The following BAZ2B variants were observed in gnomAD, a reference collection of about 807,000 sequenced individuals.
BAZ2B encodes the protein bromodomain adjacent to zinc finger domain protein 2B.
A neutral mutation model predicts 246.0 loss-of-function variants in BAZ2B; 91 were observed. That is an observed-to-expected ratio of 0.37 (90% CI 0.31 to 0.44). The LOEUF is 0.44. Among genes scored for constraint, BAZ2B ranks in the 20% least tolerant of loss-of-function variants. BAZ2B has a pLI of 1.00. For missense variants in BAZ2B, 2,332 were observed against 2,533.7 expected, an observed-to-expected ratio of 0.92 and a Z score of 1.71; for synonymous variants, 855 against 860.0, an observed-to-expected ratio of 0.99 and a Z score of 0.10.
chr2:159,385,744 T>A (rs1463784469), intron 22 of BAZ2B, among the ~76,000 whole-genome samples: 1 of 152,108 alleles, frequency 6.6e-6, no homozygotes, highest in Admixed American at 6.6e-5. Context: ...AAAAACAGTA[T>A]TGTTTTCTAC....
rs556237766 is a variant in BAZ2B, at chr2:159,588,214, CA to C, written c.-46+28027del. Among the ~76,000 whole-genome samples, 737 of 109,168 alleles carry C rather than the reference CA, an allele frequency of 6.8e-3. 3 individuals carry two copies. The highest frequency in any genetic ancestry group is 8.7e-3 in the Non-Finnish European group (461 of 53,044). The allele number at this position is 109,168 out of a possible 152,430, so 71.6% of individuals were successfully genotyped here. On this transcript the variant is annotated intron_variant, in intron 1 of 36. Coordinates refer to ENST00000392783, the MANE Select transcript of BAZ2B (RefSeq NM_013450.4). ...TGGGTGACAGACCAAGACCCTGCAT[CA>C]AAAAAAAAAAAAAAAAACCCCTGCT...
chr2:159,599,525 G>A (rs1691568339), intron 1 of BAZ2B, among the ~76,000 whole-genome samples: 1 of 152,138 alleles, frequency 6.6e-6, no homozygotes. Flanking sequence ...GGCTGAGACA[G>A]GAGAATCGCT....
At chr2:159,472,283 G>C (rs183225573) in intron 3 of BAZ2B, among the ~76,000 whole-genome samples, 43 of 152,320 alleles carry the variant, frequency 2.8e-4, no homozygotes, top group African/African-American at 9.9e-4. Context: ...AAAAATGCTT[G>C]TGATTTTTGC....
the BAZ2B span, among the ~76,000 whole-genome samples, chr2:159,637,752 G>C: frequency 6.6e-6 from 1 of 152,050 alleles, no homozygotes; most frequent in Non-Finnish European, 1.5e-5. Flanking sequence ...TGTAGAGACA[G>C]GGTTTCACCA....
chr2:159,463,078 T>G, intron 3 of BAZ2B: 1 of 714,510 alleles, frequency 1.4e-6, no homozygotes, highest in Non-Finnish European at 2.6e-6. Flanking sequence ...TGTGAACTGA[T>G]CCATGTTATA....
chr2:159,349,545 A>T (rs528724318), intron 28 of BAZ2B, among the ~76,000 whole-genome samples, 163 bp downstream of exon 28: 2 of 152,372 alleles, frequency 1.3e-5, no homozygotes, highest in East Asian at 3.9e-4. Flanking sequence ...AGAAATCAGT[A>T]GTTCTAATGA....
downstream of BAZ2B, among the ~76,000 whole-genome samples, chr2:159,316,598 G>A (rs893712637): frequency 7.2e-6 from 1 of 138,782 alleles, no homozygotes; most frequent in Non-Finnish European, 1.5e-5. Flanking sequence ...GCTGAGGCAG[G>A]AGAATGGTGT....
chr2:159,458,520 T>A (rs1193822023), intron 3 of BAZ2B: 3 of 151,616 alleles, frequency 2.0e-5, no homozygotes, highest in Non-Finnish European at 2.9e-5. Context: ...AGAGACGGGG[T>A]TTCACCGTGT....
chr2:159,385,566 C>T (rs903461472), intron 22 of BAZ2B, among the ~76,000 whole-genome samples, 197 bp from the exon 23 acceptor site: 1 of 151,730 alleles, frequency 6.6e-6, no homozygotes. Flanking sequence ...TTTCTTTCCC[C>T]GCTTCAAATC....
rs1179711997 is a variant in BAZ2B, at chr2:159,501,203, T to A, written c.-2-22482A>T. Among the ~76,000 whole-genome samples, 35 of 74,120 alleles carry A rather than the reference T, an allele frequency of 4.7e-4. 1 individual carries two copies. The highest frequency in any genetic ancestry group is 6.9e-3 in the Middle Eastern group (1 of 144). The allele number at this position is 74,120 out of a possible 152,430, so 48.6% of individuals were successfully genotyped here. On this transcript the variant is annotated intron_variant, in intron 2 of 36. Coordinates refer to ENST00000392783, the MANE Select transcript of BAZ2B (RefSeq NM_013450.4). ...ATATATTTATATATAATATATATATTTTTATATATATTATATATATATTTA... is the reference window on the plus strand; with the variant it reads ...ATATATTTATATATAATATATATATATTTATATATATTATATATATATTTA...
chr2:159,528,809 T>C (rs959517976), intron 2 of BAZ2B, among the ~76,000 whole-genome samples: 3 of 151,910 alleles, frequency 2.0e-5, no homozygotes, highest in Admixed American at 6.6e-5. Context: ...TGAAAAACAC[T>C]AGTCCCATAA....
At chr2:159,374,855 T>A (rs2061253394) in intron 25 of BAZ2B, 102 bp from the exon 26 acceptor site, 1 of 948,250 alleles carries the variant, frequency 1.1e-6, no homozygotes, top group South Asian at 1.5e-5. Flanking sequence ...CGGAAAGGTA[T>A]TAAGACTCAG....
At chr2:159,501,157 T>TATATATTTTATATATATTATATATATA (rs540013079) in intron 2 of BAZ2B, among the ~76,000 whole-genome samples, 1 of 93,458 alleles carries the variant, frequency 1.1e-5, no homozygotes, top group African/African-American at 4.3e-5. Flanking sequence ...ATAATATATA[T>TATATATTTTATATATATTATATATATA]AAATATATAA....
At chr2:159,511,915 TAATAA>T (rs760660776) in intron 2 of BAZ2B, among the ~76,000 whole-genome samples, 1 of 152,244 alleles carries the variant, frequency 6.6e-6, no homozygotes, top group East Asian at 1.9e-4. Context: ...TAAGTCATGA[TAATAA>T]AATAAAAGGA....
At position 159,448,273 on chromosome 2, in the gene BAZ2B, C is replaced by T. The variant is rs771168509; in HGVS notation, c.471G>A (p.Ser157=). The T allele has an allele frequency of 8.7e-6, 14 of 1,612,064 alleles. No individual in the cohort carries two copies. Among genetic ancestry groups the T allele is most frequent in the South Asian group, 2.2e-5 (2 of 90,508 alleles). ...CGGGACCATTTCGATTACTTTTTCC[C>T]GAAGTCCTTGAATGGAATGAAGAAG... The part of the protein sequence containing the change: ...HDSSSFHSRT[S]GKSNRNGPEK... Residue 157 remains serine (S), a synonymous_variant, in exon 5 of 37, where the codon TCG becomes TCA. Coordinates refer to ENST00000392783, the MANE Select transcript of BAZ2B (RefSeq NM_013450.4).
chr2:159,347,419 G>T, intron 31 of BAZ2B, 67 bp downstream of exon 31: 1 of 1,461,792 alleles, frequency 6.8e-7, no homozygotes, highest in South Asian at 1.1e-5. Context: ...GCATATATTA[G>T]GCAAGTAATA....
chr2:159,570,238 G>A (rs1377388369), intron 1 of BAZ2B, among the ~76,000 whole-genome samples: 1 of 149,584 alleles, frequency 6.7e-6, no homozygotes, highest in Admixed American at 6.7e-5. Context: ...AGGCTGGAGT[G>A]CAGTGGCGCA....
intron 2 of BAZ2B, among the ~76,000 whole-genome samples, chr2:159,527,659 C>T (rs896584747): frequency 2.0e-5 from 3 of 152,210 alleles, no homozygotes; most frequent in South Asian, 2.1e-4. Flanking sequence ...AGGACTTCAA[C>T]TACTTTGTCT....
At chr2:159,668,885 C>A in the BAZ2B span, among the ~76,000 whole-genome samples, 1 of 152,046 alleles carries the variant, frequency 6.6e-6, no homozygotes, top group East Asian at 1.9e-4. Flanking sequence ...GGCGAAACCC[C>A]ATCTCCACTA....
Sources: gnomAD v4.1 joint callset for allele counts (sites outside exome capture counted in the v4.1 genomes callset) on GRCh38, gnomAD v4.1.1 for gene constraint, MANE v1.5 for transcripts, NCBI Gene and HGNC (gene_info 2026-07-23, HGNC 2026-07-21) for gene names.